SMIM14: variants seen among roughly 807,000 people sequenced by gnomAD.
SMIM14 encodes chromosome 4 open reading frame 34.
SMIM14 carries 5 observed loss-of-function variants against 12.6 expected under a neutral mutation model. The observed-to-expected ratio is 0.40, with a 90% CI of 0.21 to 0.83. The LOEUF is 0.83. Among genes scored for constraint, SMIM14 ranks in the 40% least tolerant of loss-of-function variants. The pLI is 0.37. For missense variants in SMIM14, 86 were observed against 119.1 expected (o/e 0.72, Z 1.29); for synonymous variants, 30 against 40.1 (o/e 0.75, Z 0.95).
chr4:39,596,825 GAGTGT>G (rs1006575642), intron 2 of SMIM14, among the ~76,000 whole-genome samples: 1 of 152,130 alleles, frequency 6.6e-6, no homozygotes, highest in African/African-American at 2.4e-5. Context: ...ATCCAGGCTG[GAGTGT>G]AGTGGTGCAA....
intron 1 of SMIM14, among the ~76,000 whole-genome samples, chr4:39,607,728 G>C (rs1429483881): frequency 6.6e-6 from 1 of 152,084 alleles, no homozygotes; most frequent in Non-Finnish European, 1.5e-5. Context: ...TGCTATAAAA[G>C]ATAAACGAAA....
chr4:39,587,697 G>C (rs952776949), intron 2 of SMIM14, among the ~76,000 whole-genome samples: 1 of 151,828 alleles, frequency 6.6e-6, no homozygotes, highest in Non-Finnish European at 1.5e-5. Context: ...CTTGAGCCCA[G>C]GCTATGGTCA....
At chr4:39,635,834 A>G (rs1414462517) in intron 1 of SMIM14, among the ~76,000 whole-genome samples, 5 of 152,072 alleles carry the variant, frequency 3.3e-5, no homozygotes, top group Non-Finnish European at 7.4e-5. Context: ...GCCAACTGGT[A>G]AAGCACTGGA....
intron 4 of SMIM14, among the ~76,000 whole-genome samples, chr4:39,554,500 C>G (rs1408364095): frequency 2.0e-5 from 3 of 151,716 alleles, no homozygotes; most frequent in African/African-American, 7.3e-5. Context: ...CCCAGCTACT[C>G]GGTAGGTGGA....
At chr4:39,610,176 G>A (rs1265126240) in intron 1 of SMIM14, among the ~76,000 whole-genome samples, 6 of 151,874 alleles carry the variant, frequency 4.0e-5, no homozygotes, top group Non-Finnish European at 5.9e-5. Context: ...CTGTAAAGAC[G>A]GGGTCTCCCT....
At chr4:39,594,815 A>G (rs1485377520) in intron 2 of SMIM14, 1 of 151,998 alleles carries the variant, frequency 6.6e-6, no homozygotes, top group Non-Finnish European at 1.5e-5. Context: ...GCTCACCATC[A>G]CTGGGCATCA....
chr4:39,576,096 T>C (rs899583100), intron 2 of SMIM14, among the ~76,000 whole-genome samples: 2 of 151,656 alleles, frequency 1.3e-5, no homozygotes, highest in Admixed American at 6.6e-5. Flanking sequence ...GTTTTCACCA[T>C]GTTGGCCAGG....
At chr4:39,563,125 ATC>A (rs970205001) in intron 3 of SMIM14, among the ~76,000 whole-genome samples, 1 of 151,890 alleles carries the variant, frequency 6.6e-6, no homozygotes, top group African/African-American at 2.4e-5. Flanking sequence ...CAATGGCACA[ATC>A]TCTGTTCACT....
At chr4:39,589,979 C>T (rs530849171) in intron 2 of SMIM14, among the ~76,000 whole-genome samples, 2 of 130,294 alleles carry the variant, frequency 1.5e-5, no homozygotes, top group South Asian at 4.9e-4. Context: ...GCCGAGATCA[C>T]ACCACTGCAC....
chr4:39,610,726 C>T (rs1196452060), intron 1 of SMIM14, among the ~76,000 whole-genome samples: 1 of 150,498 alleles, frequency 6.6e-6, no homozygotes, highest in Non-Finnish European at 1.5e-5. Context: ...AAAGAACATA[C>T]AACAGACTTA....
At chr4:39,589,479 T>C (rs1578337532) in intron 2 of SMIM14, 1 of 152,144 alleles carries the variant, frequency 6.6e-6, no homozygotes, top group Non-Finnish European at 1.5e-5. Flanking sequence ...AACATAAAAA[T>C]GAAGAGGATT....
intron 1 of SMIM14, among the ~76,000 whole-genome samples, chr4:39,613,820 C>G (rs1715118801): frequency 6.6e-6 from 1 of 152,056 alleles, no homozygotes; most frequent in Admixed American, 6.5e-5. Flanking sequence ...GGACAAGCAG[C>G]TTCAAGACTT....
chr4:39,554,654 CTTTT>C lies in SMIM14; in HGVS notation c.267+1770_267+1773del, dbSNP rs111326390. Among the ~76,000 whole-genome samples the C allele has an allele frequency of 7.4e-4, 70 of 95,188 alleles. 2 individuals are homozygous for C. Among genetic ancestry groups the C allele is most frequent in the African/African-American group, 2.4e-3 (61 of 25,762 alleles). The allele number at this position is 95,188 out of a possible 152,430, so 62.4% of individuals were successfully genotyped here. ...AAGCAAATCTATCATGGAAATTTTCCTTTTTTTTTTTTTTTTTTTTTGATGCTCT... is the reference window on the plus strand; with the variant it reads ...AAGCAAATCTATCATGGAAATTTTCCTTTTTTTTTTTTTTTTTGATGCTCT... On this transcript the variant is annotated intron_variant, in intron 4 of 4. Coordinates refer to ENST00000295958, the MANE Select transcript of SMIM14 (RefSeq NM_174921.3).
Position 39,556,502 on chromosome 4 carries a change from A to G in SMIM14, c.193T>C (p.Leu65=), listed in dbSNP as rs1331776448. 13 of 1,613,864 alleles carry G rather than the reference A, an allele frequency of 8.1e-6. No individual in the cohort carries two copies. Among genetic ancestry groups the G allele is most frequent in the East Asian group, 2.2e-5 (1 of 44,874 alleles). Residue 65 remains leucine (L), a synonymous_variant, in exon 4 of 5, where the codon TTG becomes CTG. Transcript: ENST00000295958. ...GGAGGTCTCAGTAAGAACAAGATCA[A>G]TGCAATAACCATCCAGGCTACCAAG... ...MILVAWMVIA[L]ILFLLRPPNL... is the part of the protein sequence containing the mutation.
chr4:39,556,428 A>C lies in SMIM14; in HGVS notation c.267T>G (p.Asn89Lys). 1.2e-6 allele frequency: 2 copies of C among 1,609,618 alleles called. No homozygotes were observed. Among genetic ancestry groups the C allele is most frequent in the Non-Finnish European group, 1.7e-6 (2 of 1,178,844 alleles). ...SLPGKPTSPH[N>K]GQDPPAPPVD is the part of the protein sequence containing the mutation. Reference sequence around the variant, plus strand: ...AGCATTTAAAATCTGCAACACTTACATTATGAGGACTGGTTGGCTTTCCAG... The same window carrying C: ...AGCATTTAAAATCTGCAACACTTACCTTATGAGGACTGGTTGGCTTTCCAG... The change falls in exon 4 of 5, where the codon AAT becomes AAG. Residue 89 changes from asparagine to lysine, a missense_variant and splice_region_variant. Transcript: ENST00000295958.
intron 4 of SMIM14, among the ~76,000 whole-genome samples, chr4:39,554,853 G>A (rs1330574090): frequency 2.2e-5 from 1 of 44,600 alleles, no homozygotes; most frequent in African/African-American, 8.1e-5. Flanking sequence ...TTTTTTTTTT[G>A]AGACGAAGTT....
chr4:39,622,557 C>T (rs1433177231), intron 1 of SMIM14, among the ~76,000 whole-genome samples: 2 of 152,122 alleles, frequency 1.3e-5, no homozygotes, highest in Non-Finnish European at 2.9e-5. Context: ...TGTGCCACCA[C>T]ACCCAGCTAA....
chr4:39,547,458 G>A lies in SMIM14; in HGVS notation c.*4668C>T, dbSNP rs1747384062. 2 of 152,178 alleles carry A rather than the reference G, an allele frequency of 1.3e-5. No homozygotes were observed. Among genetic ancestry groups the A allele is most frequent in the African/African-American group, 4.8e-5 (2 of 41,430 alleles). 9.4% of individuals were successfully genotyped at this position (152,178 alleles called of 1,614,324 possible). ...ATATAAAATCAGTAATTAACATTTAGCATATCACACGACCACTTTTGCTTT... is the reference window on the plus strand; with the variant it reads ...ATATAAAATCAGTAATTAACATTTAACATATCACACGACCACTTTTGCTTT... On this transcript the variant is annotated 3_prime_UTR_variant, in exon 5 of 5. Coordinates refer to ENST00000295958, the MANE Select transcript of SMIM14 (RefSeq NM_174921.3).
intron 2 of SMIM14, among the ~76,000 whole-genome samples, chr4:39,599,694 C>T (rs1316455644): frequency 6.6e-6 from 1 of 151,940 alleles, no homozygotes; most frequent in Non-Finnish European, 1.5e-5. Context: ...GAGGCTGAGG[C>T]GGGTGGATCA....
Sources: gnomAD v4.1 joint callset for allele counts (sites outside exome capture counted in the v4.1 genomes callset) on GRCh38, gnomAD v4.1.1 for gene constraint, MANE v1.5 for transcripts, NCBI Gene and HGNC (gene_info 2026-07-23, HGNC 2026-07-21) for gene names.